The following UBR1 variants were observed in gnomAD, a reference collection of about 807,000 sequenced individuals.
UBR1 encodes E3 ubiquitin-protein ligase UBR1.
Under a neutral mutation model 242.1 loss-of-function variants are expected in UBR1, and 102 were observed. The ratio of observed to expected loss-of-function variants is 0.42; its 90% CI spans 0.36 to 0.50. UBR1 has a LOEUF of 0.50. Ranked by LOEUF, UBR1 falls within the 20% of genes least tolerant of loss-of-function variation. The pLI is 0.01. For missense variants in UBR1, 1,772 were observed against 2,101.8 expected (o/e 0.84, Z 3.07); for synonymous variants, 675 against 684.8 (o/e 0.99, Z 0.22).
chr15:43,035,292 T>C (rs2033318464), intron 19 of UBR1, among the ~76,000 whole-genome samples: 2 of 152,254 alleles, frequency 1.3e-5, no homozygotes, highest in South Asian at 4.1e-4. Context: ...TTTTTTTCTT[T>C]GTTAATCTAC....
At chr15:42,996,777 G>A (rs1168527558) in intron 33 of UBR1, among the ~76,000 whole-genome samples, 2 of 151,910 alleles carry the variant, frequency 1.3e-5, no homozygotes, top group Non-Finnish European at 2.9e-5. Context: ...AAATAATCAG[G>A]GAAAATGTGG....
chr15:42,960,242 A>C (rs1279685613), intron 43 of UBR1, among the ~76,000 whole-genome samples: 1 of 152,204 alleles, frequency 6.6e-6, no homozygotes, highest in Non-Finnish European at 1.5e-5. Flanking sequence ...AGGAAGGAAA[A>C]AGGATATAGT....
intron 41 of UBR1, among the ~76,000 whole-genome samples, chr15:42,964,659 CCT>C (rs1404131017): frequency 4.6e-5 from 7 of 152,142 alleles, no homozygotes; most frequent in Admixed American, 3.9e-4. Context: ...CCCCTGGTTG[CCT>C]CTTAGACCTC....
At chr15:43,091,276 C>G (rs1002330790) in intron 1 of UBR1, among the ~76,000 whole-genome samples, 96 of 152,090 alleles carry the variant, frequency 6.3e-4, no homozygotes, top group African/African-American at 2.2e-3. Context: ...CTGGCTTGTT[C>G]AATTTCACAT....
intron 35 of UBR1, among the ~76,000 whole-genome samples, chr15:42,988,321 G>A (rs941170938): frequency 2.6e-5 from 4 of 151,886 alleles, no homozygotes; most frequent in African/African-American, 4.8e-5. Context: ...TAGAGACAGG[G>A]TCTCACTCTG....
Position 42,950,248 on chromosome 15 carries a change from A to T in UBR1, c.5108+14T>A, listed in dbSNP as rs370072246. The T allele has an allele frequency of 1.9e-6, 3 of 1,602,774 alleles. No individual in the cohort carries two copies. Among genetic ancestry groups the T allele is most frequent in the Non-Finnish European group, 1.7e-6 (2 of 1,169,958 alleles). On this transcript the variant is annotated intron_variant, in intron 46 of 46. Coordinates refer to ENST00000290650, the MANE Select transcript of UBR1 (RefSeq NM_174916.3). ...ACTTACTGAAACCTTCCTATTATATAAAAAAAATCTTACTTCAGGCCAGGG... is the reference window on the plus strand; with the variant it reads ...ACTTACTGAAACCTTCCTATTATATTAAAAAAATCTTACTTCAGGCCAGGG...
chr15:42,958,397 G>C (rs1280925224), intron 43 of UBR1, among the ~76,000 whole-genome samples: 1 of 152,146 alleles, frequency 6.6e-6, no homozygotes, highest in Non-Finnish European at 1.5e-5. Flanking sequence ...TTTGAAATTA[G>C]AGCTGGTTAC....
intron 33 of UBR1, among the ~76,000 whole-genome samples, chr15:42,993,139 T>C (rs534076115): frequency 4.6e-5 from 7 of 152,358 alleles, no homozygotes; most frequent in African/African-American, 1.4e-4. Context: ...GGATTTTTGC[T>C]GTTCATGCTT....
chr15:43,036,570 C>T lies in UBR1; in HGVS notation c.2046G>A (p.Lys682=), dbSNP rs747030800. The T allele has an allele frequency of 2.5e-6, 4 of 1,595,484 alleles. No homozygotes were observed. In the African/African-American group the frequency reaches 5.4e-5, roughly 21 times the overall value. ...ISQVFYYQDV[K]CREEMYDKDI... ...CTTTATCATACATTTCTTCTCTGCA[C>T]TTAACATCTTGGTAATAAAACACCT... is the stretch of plus-strand genomic sequence containing the variant. The change falls in exon 18 of 47, where the codon AAG becomes AAA. Residue 682 remains lysine (K), a synonymous_variant. Transcript: ENST00000290650.
intron 1 of UBR1, among the ~76,000 whole-genome samples, chr15:43,095,699 G>A (rs2034151596): frequency 6.6e-6 from 1 of 152,206 alleles, no homozygotes; most frequent in African/African-American, 2.4e-5. Context: ...AATATTTTGT[G>A]TTAGGTCATC....
At chr15:43,039,795 G>T (rs1291675688) in intron 15 of UBR1, among the ~76,000 whole-genome samples, 1 of 152,118 alleles carries the variant, frequency 6.6e-6, no homozygotes. Context: ...TGCCCTTTCA[G>T]TATGATATTG....
chr15:43,002,687 T>G lies in UBR1; in HGVS notation c.3527A>C (p.Gln1176Pro), dbSNP rs373216782. The G allele has an allele frequency of 1.9e-6, 3 of 1,614,046 alleles. No individual in the cohort carries two copies. Among genetic ancestry groups the G allele is most frequent in the Non-Finnish European group, 2.5e-6 (3 of 1,180,044 alleles). Reference sequence around the variant, plus strand: ...ATGAATGCGCTGCTGAGAGCTCAGCTGTACAGCTTCAAAATACCTGCAAAA... The same window carrying G: ...ATGAATGCGCTGCTGAGAGCTCAGCGGTACAGCTTCAAAATACCTGCAAAA... Reference protein sequence around the residue: ...VCWQKYFEAVQLSSQQRIHVD... With the variant: ...VCWQKYFEAVPLSSQQRIHVD... Residue 1176 changes from glutamine to proline, a missense_variant, in exon 32 of 47, where the codon CAG (glutamine) becomes CCG (proline). Around this residue, in one of 3 missense-constraint regions of UBR1, gnomAD observed 965 missense variants for 1,079.7 expected, o/e 0.89. Transcript: ENST00000290650.
At chr15:42,955,898 T>G (rs563011272) in intron 44 of UBR1, among the ~76,000 whole-genome samples, 2 of 152,242 alleles carry the variant, frequency 1.3e-5, no homozygotes, top group Non-Finnish European at 2.9e-5. Context: ...AAGTAACTAA[T>G]AGGTAAGTCA....
rs2031810108 is a variant in UBR1, at chr15:42,950,254, A to G, written c.5108+8T>C. ...TGAAACCTTCCTATTATATAAAAAA[A>G]ATCTTACTTCAGGCCAGGGTCTGTT... is the stretch of plus-strand genomic sequence containing the variant. On this transcript the variant is annotated splice_region_variant and intron_variant, in intron 46 of 46. Transcript: ENST00000290650. 6.2e-7 allele frequency: 1 copy of G among 1,612,910 alleles called. No individual in the cohort carries two copies.
rs922034554 is a variant in UBR1, at chr15:43,007,093, A to C, written c.3401T>G (p.Ile1134Arg). Residue 1134 changes from isoleucine to arginine, a missense_variant, in exon 30 of 47, where the codon ATA (isoleucine) becomes AGA (arginine). Transcript: ENST00000290650. ...ATAATACATACCTCCTGAGAGTTCT[A>C]TGGGTTTTCCCCTGTGCTGGGTTAA... ...TALTQHRGKPIELSGEALDPL... is the reference protein window; with the variant it reads ...TALTQHRGKPRELSGEALDPL... 1 of 1,614,196 alleles carries C rather than the reference A, an allele frequency of 6.2e-7. No homozygotes were observed. The highest frequency in any genetic ancestry group is 1.1e-5 in the South Asian group (1 of 91,080).
At chr15:43,085,727 T>C (rs1296194241) in intron 2 of UBR1, among the ~76,000 whole-genome samples, 1 of 147,768 alleles carries the variant, frequency 6.8e-6, no homozygotes, top group Non-Finnish European at 1.5e-5. Context: ...CTACTAAAAA[T>C]ATGAAAATTA....
In UBR1 at chr15:43,070,817, G is replaced by A. The variant is rs1304815473; in HGVS notation, c.637C>T (p.Leu213=). The A allele has an allele frequency of 6.2e-7, 1 of 1,613,590 alleles. No homozygotes were observed. The highest frequency in any genetic ancestry group is 1.7e-5 in the Admixed American group (1 of 60,022). The change falls in exon 5 of 47, where the codon CTG becomes TTG. Residue 213 remains leucine, a synonymous_variant. Transcript: ENST00000290650. ...EMTIWEEEKE[L]PPELQIREKN... is the part of the protein sequence containing the mutation. Reference sequence around the variant, plus strand: ...CACCTTATCTGGAGTTCAGGAGGCAGTTCTTTTTCCTCTTCCCATATAGTC... The same window carrying A: ...CACCTTATCTGGAGTTCAGGAGGCAATTCTTTTTCCTCTTCCCATATAGTC...
At chr15:43,105,491 A>T (rs2034285477) in intron 1 of UBR1, among the ~76,000 whole-genome samples, 1 of 152,162 alleles carries the variant, frequency 6.6e-6, no homozygotes, top group East Asian at 1.9e-4. Context: ...ACTACACCTC[A>T]CATCTAGACA....
chr15:42,998,558 T>A (rs1372101639), intron 32 of UBR1, among the ~76,000 whole-genome samples: 1 of 152,214 alleles, frequency 6.6e-6, no homozygotes, highest in Admixed American at 6.5e-5. Context: ...GGTGTTGTCA[T>A]TGATTTCTCT....
Sources: allele counts gnomAD v4.1 joint callset (sites outside exome capture counted in the v4.1 genomes callset), GRCh38; gene constraint gnomAD v4.1.1; regional missense constraint gnomAD v4.1.1; transcripts MANE v1.5; gene names NCBI Gene and HGNC (gene_info 2026-07-23, HGNC 2026-07-21).